BRD7: variants seen among roughly 807,000 people sequenced by gnomAD.
BRD7 encodes bromodomain-containing protein 7.
BRD7 carries 15 observed loss-of-function variants against 82.1 expected under a neutral mutation model. The ratio of observed to expected loss-of-function variants is 0.18; its 90% CI spans 0.12 to 0.28. The LOEUF (loss-of-function observed/expected upper bound fraction) is 0.28. Among genes scored for constraint, BRD7 ranks in the 10% least tolerant of loss-of-function variants. The pLI, the probability that BRD7 is intolerant of heterozygous loss-of-function variation, is 1.00. For synonymous variants in BRD7, 232 were observed against 266.9 expected, an observed-to-expected ratio of 0.87 and a Z score of 1.27; for missense variants, 638 against 779.9, an observed-to-expected ratio of 0.82 and a Z score of 2.17.
chr16:50,354,961 G>C (rs372286014), intron 2 of BRD7, 39 bp from the exon 3 acceptor site: 4 of 1,598,922 alleles, frequency 2.5e-6, no homozygotes, highest in South Asian at 1.1e-5. Flanking sequence ...AAATATTTCA[G>C]AACCAATATC....
intron 7 of BRD7, among the ~76,000 whole-genome samples, 184 bp from the exon 8 acceptor site, chr16:50,333,881 C>T (rs1315398422): frequency 6.6e-6 from 1 of 152,182 alleles, no homozygotes; most frequent in Non-Finnish European, 1.5e-5. Flanking sequence ...CAGTAAGGCA[C>T]ACCTAACATG....
intron 8 of BRD7, among the ~76,000 whole-genome samples, chr16:50,332,110 A>G (rs1326573642): frequency 1.3e-5 from 2 of 152,210 alleles, no homozygotes; most frequent in African/African-American, 2.4e-5. Context: ...CAAAAGCAAA[A>G]GTGACAAAAA....
intron 5 of BRD7, among the ~76,000 whole-genome samples, chr16:50,345,892 T>C (rs998131103): frequency 6.6e-6 from 1 of 152,146 alleles, no homozygotes; most frequent in African/African-American, 2.4e-5. Flanking sequence ...TATCCAGGAA[T>C]TGAACTCAGC....
At chr16:50,331,397 A>C (rs1450356025) in intron 8 of BRD7, among the ~76,000 whole-genome samples, 1 of 152,204 alleles carries the variant, frequency 6.6e-6, no homozygotes, top group Non-Finnish European at 1.5e-5. Flanking sequence ...GCATCACATT[A>C]CCCAATTTCA....
chr16:50,366,881 C>T (rs1003488841), intron 2 of BRD7, among the ~76,000 whole-genome samples: 4 of 152,118 alleles, frequency 2.6e-5, no homozygotes, highest in Non-Finnish European at 5.9e-5. Flanking sequence ...AAAACTTTTT[C>T]CATTTTGTGT....
chr16:50,357,618 C>T (rs2038784714), intron 2 of BRD7, among the ~76,000 whole-genome samples: 2 of 152,030 alleles, frequency 1.3e-5, no homozygotes, highest in African/African-American at 2.4e-5. Context: ...TGCATTCTCC[C>T]AGGTAGAAAA....
chr16:50,364,097 G>A (rs928896256), intron 2 of BRD7, among the ~76,000 whole-genome samples: 4 of 151,512 alleles, frequency 2.6e-5, no homozygotes, highest in Middle Eastern at 3.2e-3. Flanking sequence ...AACATTTTCC[G>A]GTCTCCCTAT....
At chr16:50,322,550 T>C (rs1597023021) in intron 12 of BRD7, among the ~76,000 whole-genome samples, 2 of 152,350 alleles carry the variant, frequency 1.3e-5, no homozygotes, top group East Asian at 3.9e-4. Context: ...CATCTTTCTT[T>C]GAAAGGTTGT....
intron 11 of BRD7, among the ~76,000 whole-genome samples, chr16:50,325,428 A>G (rs1211766875): frequency 1.3e-5 from 2 of 152,296 alleles, no homozygotes; most frequent in Non-Finnish European, 2.9e-5. Context: ...CTGACACACA[A>G]CATGTTATAA....
At chr16:50,352,013 G>A (rs1009744413) in intron 4 of BRD7, among the ~76,000 whole-genome samples, 1 of 152,194 alleles carries the variant, frequency 6.6e-6, no homozygotes, top group African/African-American at 2.4e-5. Context: ...TGCAACAGAA[G>A]ACCAGAGCTT....
rs1236313644 is a variant in BRD7 at position 50,368,246 on chromosome 16, G to A, written c.102C>T (p.Val34=). 6.2e-7 allele frequency: 1 copy of A among 1,614,184 alleles called. No individual in the cohort carries two copies. The part of the protein sequence containing the change: ...KLVLKVGGNE[V]TELSTGSSGH... ...CCGAGCTGCCCGTGGAGAGTTCGGT[G>A]ACTTCGTTCCCTCCTACTTTGAGGA... is the stretch of plus-strand genomic sequence containing the variant. Residue 34 remains valine (V), a synonymous_variant, in exon 2 of 17, where the codon GTC becomes GTT. Coordinates refer to ENST00000394688, the MANE Select transcript of BRD7 (RefSeq NM_013263.5).
intron 8 of BRD7, among the ~76,000 whole-genome samples, chr16:50,329,048 C>G (rs2037453426): frequency 6.6e-6 from 1 of 152,146 alleles, no homozygotes; most frequent in Non-Finnish European, 1.5e-5. Flanking sequence ...CAAAAAATTT[C>G]AGATTTTGGA....
At position 50,320,002 on chromosome 16, in the gene BRD7, T is replaced by G. The variant is rs2037019406; in HGVS notation, c.1785A>C (p.Glu595Asp). 1 of 1,610,502 alleles carries G rather than the reference T, an allele frequency of 6.2e-7. No homozygotes were observed. The highest frequency in any genetic ancestry group is 8.5e-7 in the Non-Finnish European group (1 of 1,178,898). ...LAEQVTNNLKELAQQVTPGDI... is the reference protein window; with the variant it reads ...LAEQVTNNLKDLAQQVTPGDI... ...CACCTGGAGTTACTTGCTGTGCAAG[T>G]TCTTTAAGATTATTGGTCACTTGTT... The change falls in exon 16 of 17, where the codon GAA (glutamate) becomes GAC (aspartate). Residue 595 changes from glutamate (E) to aspartate (D), a missense_variant. Glu to Asp is a conservative substitution (Grantham distance 45). This residue lies in a region of BRD7 where 402 missense variants were observed against 500.8 expected (regional missense o/e 0.80). Transcript: ENST00000394688.
At chr16:50,347,673 G>A (rs1263066462) in intron 5 of BRD7, among the ~76,000 whole-genome samples, 1 of 152,174 alleles carries the variant, frequency 6.6e-6, no homozygotes, top group Non-Finnish European at 1.5e-5. Flanking sequence ...GCTTCAAAGA[G>A]AATAAAATAG....
intron 1 of BRD7, 89 bp downstream of exon 1, chr16:50,368,637 C>A (rs2039250404): frequency 1.4e-6 from 2 of 1,402,532 alleles, no homozygotes; most frequent in Non-Finnish European, 1.9e-6. Context: ...GAAGGAAGGG[C>A]CCCGGGCCGC....
chr16:50,349,874 T>A (rs1431733029), intron 5 of BRD7, 149 bp downstream of exon 5: 1 of 685,232 alleles, frequency 1.5e-6, no homozygotes, highest in East Asian at 3.2e-5. Context: ...ACCAAGCTCA[T>A]AAAGTTTTCT....
chr16:50,330,811 A>G (rs967417058), intron 8 of BRD7, among the ~76,000 whole-genome samples: 3 of 152,164 alleles, frequency 2.0e-5, no homozygotes, highest in African/African-American at 7.2e-5. Flanking sequence ...TAGTTTCAAA[A>G]TTCTCTTCAG....
intron 5 of BRD7, chr16:50,349,298 T>A: frequency 7.5e-6 from 2 of 266,726 alleles, no homozygotes; most frequent in South Asian, 6.9e-5. Context: ...CTAATGTAAA[T>A]GATGAGTTAA....
At chr16:50,326,467 G>A (rs1236362109) in intron 9 of BRD7, 76 bp from the exon 10 acceptor site, 12 of 964,238 alleles carry the variant, frequency 1.2e-5, no homozygotes, top group African/African-American at 3.3e-5. Flanking sequence ...GAGTGACTCC[G>A]CACAAACCAC....
Sources: allele counts gnomAD v4.1 joint callset (sites outside exome capture counted in the v4.1 genomes callset), GRCh38; gene constraint gnomAD v4.1.1; regional missense constraint gnomAD v4.1.1; transcripts MANE v1.5; gene names NCBI Gene and HGNC (gene_info 2026-07-23, HGNC 2026-07-21).